Variants in MSH3 observed in about 807,000 individuals in gnomAD.
The protein encoded by MSH3 is mutS homolog 3.
Under a neutral mutation model 123.3 loss-of-function variants are expected in MSH3, and 106 were observed. The observed-to-expected ratio is 0.86, with a 90% CI of 0.73 to 1.01. The LOEUF (loss-of-function observed/expected upper bound fraction) is 1.01, where lower values mean the gene tolerates loss of function less well. Ranked by LOEUF, MSH3 falls within the 50% of genes least tolerant of loss-of-function variation. MSH3 has a pLI of 0.00. For missense variants in MSH3, 1,459 were observed against 1,347.6 expected (o/e 1.08, Z -1.29); for synonymous variants, 515 against 481.4 (o/e 1.07, Z -0.91).
Position 80,778,788 on chromosome 5 carries a change from G to A in MSH3, c.2387G>A (p.Arg796Gln), listed in dbSNP as rs542104580. 1.2e-5 allele frequency: 20 copies of A among 1,612,620 alleles called. No individual in the cohort carries two copies. Among genetic ancestry groups the A allele is most frequent in the African/African-American group, 6.7e-5 (5 of 74,974 alleles). Residue 796 changes from arginine (R) to glutamine (Q), a missense_variant, in exon 17 of 24, where the codon CGG (arginine) becomes CAG (glutamine). By Grantham distance (43) the Arg-to-Gln change is conservative (BLOSUM62 1). Transcript: ENST00000265081. The stretch of plus-strand genomic sequence containing the variant: ...AATTACAGACATCTGAATCAGCTCC[G>A]GGAGCAGCTAGTCCTTGACTGCAGT... Reference protein sequence around the residue: ...VENYRHLNQLREQLVLDCSAE... With the variant: ...VENYRHLNQLQEQLVLDCSAE...
At chr5:80,656,927 T>A (rs938061133) in intron 2 of MSH3, among the ~76,000 whole-genome samples, 1 of 152,210 alleles carries the variant, frequency 6.6e-6, no homozygotes, top group African/African-American at 2.4e-5. Flanking sequence ...TTCCAGATTT[T>A]AAAAATTTGT....
chr5:80,701,992 C>T (rs1050952316), intron 8 of MSH3, among the ~76,000 whole-genome samples: 1 of 151,862 alleles, frequency 6.6e-6, no homozygotes, highest in African/African-American at 2.4e-5. Context: ...CTTTTTCTAC[C>T]CTTCTTTCTG....
chr5:80,863,217 A>G (rs1746043057), intron 21 of MSH3, among the ~76,000 whole-genome samples: 1 of 152,212 alleles, frequency 6.6e-6, no homozygotes, highest in South Asian at 2.1e-4. Context: ...AAACTCTGTA[A>G]AATATTTGAA....
At chr5:80,729,433 T>A (rs1425893019) in intron 10 of MSH3, among the ~76,000 whole-genome samples, 1 of 84,526 alleles carries the variant, frequency 1.2e-5, no homozygotes, top group Non-Finnish European at 2.5e-5. Context: ...AAAAAAAATG[T>A]GTGTGTGTGT....
chr5:80,756,806 A>G (rs1371234497), intron 12 of MSH3, among the ~76,000 whole-genome samples: 1 of 152,214 alleles, frequency 6.6e-6, no homozygotes, highest in Non-Finnish European at 1.5e-5. Context: ...GTAATTGTTC[A>G]TTGAATGTAA....
At chr5:80,836,830 G>A (rs931356093) in intron 20 of MSH3, among the ~76,000 whole-genome samples, 2 of 149,992 alleles carry the variant, frequency 1.3e-5, no homozygotes, top group Admixed American at 6.6e-5. Flanking sequence ...GAATATTTTC[G>A]ATCCACAGTT....
intron 17 of MSH3, among the ~76,000 whole-genome samples, chr5:80,783,860 T>C (rs1367786496): frequency 6.6e-6 from 1 of 151,994 alleles, no homozygotes; most frequent in African/African-American, 2.4e-5. Flanking sequence ...GGGTCAGTAA[T>C]TAGAACAAAG....
intron 12 of MSH3, among the ~76,000 whole-genome samples, chr5:80,758,413 T>C (rs1455330810): frequency 6.6e-6 from 1 of 152,212 alleles, no homozygotes; most frequent in Non-Finnish European, 1.5e-5. Context: ...ATTGAATTCT[T>C]GTACTAACAC....
chr5:80,758,902 C>G (rs1350381171), intron 12 of MSH3, among the ~76,000 whole-genome samples: 2 of 152,184 alleles, frequency 1.3e-5, no homozygotes, highest in Non-Finnish European at 2.9e-5. Context: ...CTCAAACCAT[C>G]TGTAGCATCA....
At chr5:80,667,448 G>T (rs1390911456) in intron 3 of MSH3, among the ~76,000 whole-genome samples, 1 of 152,224 alleles carries the variant, frequency 6.6e-6, no homozygotes, top group East Asian at 1.9e-4. Context: ...GTGGCTGGTG[G>T]TGCCTTTGCC....
intron 12 of MSH3, among the ~76,000 whole-genome samples, chr5:80,750,741 G>T (rs749200199): frequency 6.6e-6 from 1 of 152,056 alleles, no homozygotes; most frequent in Non-Finnish European, 1.5e-5. Flanking sequence ...AATCCCATTC[G>T]TCTGTTCTTG....
intron 18 of MSH3, 90 bp downstream of exon 18, chr5:80,787,762 C>G (rs886123329): frequency 3.4e-6 from 3 of 888,672 alleles, no homozygotes; most frequent in African/African-American, 1.7e-5. Context: ...TAAAATATTA[C>G]AGTTACTCAA....
At chr5:80,737,380 C>T (rs899846028) in intron 10 of MSH3, among the ~76,000 whole-genome samples, 1 of 151,702 alleles carries the variant, frequency 6.6e-6, no homozygotes, top group Non-Finnish European at 1.5e-5. Context: ...TTTCTCTGTC[C>T]AGCTTTTGAC....
intron 19 of MSH3, among the ~76,000 whole-genome samples, chr5:80,801,040 G>A (rs1159030409): frequency 6.6e-6 from 1 of 152,170 alleles, no homozygotes; most frequent in East Asian, 1.9e-4. Flanking sequence ...CTGGCAGGTG[G>A]AAGGAGAGCA....
At chr5:80,781,490 T>C (rs34886287) in intron 17 of MSH3, among the ~76,000 whole-genome samples, 49,307 of 150,472 alleles carry the variant, frequency 0.33, 8,460 homozygotes, top group South Asian at 0.42. Context: ...TTTTTTTTTT[T>C]TTTTCCTCGC....
At chr5:80,864,753 G>A in intron 21 of MSH3, 60 bp from the exon 22 acceptor site, 1 of 1,478,416 alleles carries the variant, frequency 6.8e-7, no homozygotes, top group Non-Finnish European at 9.3e-7. Flanking sequence ...GTGGAAGACA[G>A]ATTTTAATTA....
intron 8 of MSH3, among the ~76,000 whole-genome samples, chr5:80,723,436 T>C (rs1751130488): frequency 6.6e-6 from 1 of 152,186 alleles, no homozygotes; most frequent in South Asian, 2.1e-4. Context: ...TGATCATTAA[T>C]TATATGGAAA....
intron 21 of MSH3, 139 bp from the exon 22 acceptor site, chr5:80,864,674 A>T: frequency 1.5e-6 from 1 of 679,830 alleles, no homozygotes; most frequent in Non-Finnish European, 2.5e-6. Context: ...CTAGGTAAAC[A>T]GTATATAATA....
At chr5:80,835,258 A>G (rs1158658601) in intron 20 of MSH3, among the ~76,000 whole-genome samples, 1 of 152,208 alleles carries the variant, frequency 6.6e-6, no homozygotes, top group East Asian at 1.9e-4. Flanking sequence ...ACCATCCCGT[A>G]GGAAAAGTTT....
Sources: allele counts gnomAD v4.1 joint callset (sites outside exome capture counted in the v4.1 genomes callset), GRCh38; gene constraint gnomAD v4.1.1; transcripts MANE v1.5; gene names NCBI Gene and HGNC (gene_info 2026-07-23, HGNC 2026-07-21).